Variants in ATF7 observed in about 807,000 individuals in gnomAD.
ATF7 encodes cyclic AMP-dependent transcription factor ATF-7.
ATF7 carries 10 observed loss-of-function variants against 50.4 expected under a neutral mutation model. The ratio of observed to expected loss-of-function variants is 0.20; its 90% CI spans 0.12 to 0.34. The LOEUF (loss-of-function observed/expected upper bound fraction) is 0.34. ATF7 is among the 10% of genes least tolerant of loss of function. The pLI is 1.00. For missense variants in ATF7, 465 were observed against 613.9 expected, an observed-to-expected ratio of 0.76 and a Z score of 2.56; for synonymous variants, 201 against 226.4, an observed-to-expected ratio of 0.89 and a Z score of 1.01.
At chr12:53,543,936 C>A (rs948616376) in intron 3 of ATF7, 1 of 156,140 alleles carries the variant, frequency 6.4e-6, no homozygotes, top group African/African-American at 2.4e-5. Flanking sequence ...CTGACTAAAG[C>A]TACCGAGTAA....
At chr12:53,537,197 T>C (rs1296341616) in intron 5 of ATF7, among the ~76,000 whole-genome samples, 2 of 151,986 alleles carry the variant, frequency 1.3e-5, no homozygotes, top group Non-Finnish European at 2.9e-5. Flanking sequence ...TACTCTCAAG[T>C]AGCTGGAACT....
intron 1 of ATF7, among the ~76,000 whole-genome samples, chr12:53,617,348 C>T (rs1436911728): frequency 1.3e-5 from 2 of 152,160 alleles, no homozygotes; most frequent in African/African-American, 4.8e-5. Flanking sequence ...CTATACTAGG[C>T]CAGGCACAGT....
intron 2 of ATF7, among the ~76,000 whole-genome samples, chr12:53,564,456 T>C (rs1941326453): frequency 6.6e-6 from 1 of 152,218 alleles, no homozygotes; most frequent in Admixed American, 6.5e-5. Flanking sequence ...AGTTCCTTCT[T>C]CAATCCCCAA....
chr12:53,621,279 G>A (rs978864020), intron 1 of ATF7, among the ~76,000 whole-genome samples: 149 of 152,142 alleles, frequency 9.8e-4, no homozygotes, highest in Non-Finnish European at 2.2e-4. Flanking sequence ...TTAACATAAT[G>A]ATAGTCTACT....
intron 1 of ATF7, among the ~76,000 whole-genome samples, chr12:53,622,605 C>T (rs1233769369): frequency 6.7e-6 from 1 of 148,664 alleles, no homozygotes; most frequent in African/African-American, 2.5e-5. Context: ...AGGGCAAAAG[C>T]GCGAGACTCT....
chr12:53,615,110 G>A lies in ATF7; in HGVS notation c.-22+11169C>T, dbSNP rs569032390. On this transcript the variant is annotated intron_variant, in intron 1 of 11. Transcript: ENST00000420353. ...AAAAGAAAAAAAAAAAGAGCTGGGT[G>A]CGGTGGCTCACGCCTGTAATCTCAA... 5.3e-5 allele frequency among the ~76,000 whole-genome samples: 8 copies of A among 151,760 alleles called. No homozygotes were observed. The East Asian group carries it at 1.4e-3, about 26-fold the overall frequency.
chr12:53,545,522 G>C (rs1939843902), intron 3 of ATF7, among the ~76,000 whole-genome samples: 1 of 152,014 alleles, frequency 6.6e-6, no homozygotes, highest in Non-Finnish European at 1.5e-5. Context: ...TTTTAGTAGA[G>C]ACGGGGTTTC....
chr12:53,598,659 C>T (rs1039522160), intron 2 of ATF7, among the ~76,000 whole-genome samples: 1 of 152,208 alleles, frequency 6.6e-6, no homozygotes, highest in African/African-American at 2.4e-5. Flanking sequence ...AAATCTGTGA[C>T]ATTTCACAAA....
intron 4 of ATF7, among the ~76,000 whole-genome samples, chr12:53,540,117 C>T (rs1939452076): frequency 6.6e-6 from 1 of 151,938 alleles, no homozygotes; most frequent in Non-Finnish European, 1.5e-5. Flanking sequence ...CTTTGGGAAG[C>T]TGAGGTGGGT....
At chr12:53,529,710 TACACAC>T (rs796404325) in intron 9 of ATF7, among the ~76,000 whole-genome samples, 2 of 132,250 alleles carry the variant, frequency 1.5e-5, no homozygotes, top group African/African-American at 5.9e-5. Flanking sequence ...TATATACACA[TACACAC>T]ACACACACAC....
At chr12:53,548,752 G>A (rs1940114923) in intron 3 of ATF7, among the ~76,000 whole-genome samples, 2 of 152,192 alleles carry the variant, frequency 1.3e-5, no homozygotes, top group Admixed American at 1.3e-4. Flanking sequence ...GAAGGCTGAG[G>A]CAAGAGGGTT....
intron 1 of ATF7, among the ~76,000 whole-genome samples, chr12:53,620,372 C>G (rs1325925071): frequency 6.6e-6 from 1 of 151,342 alleles, no homozygotes; most frequent in South Asian, 2.1e-4. Context: ...GTCAGGAGAT[C>G]GAGACCATCC....
chr12:53,520,993 ATTTTT>A (rs11453651), intron 11 of ATF7, among the ~76,000 whole-genome samples: 1 of 139,176 alleles, frequency 7.2e-6, no homozygotes. Context: ...AGTCAGATCA[ATTTTT>A]TTTTTTTTTT....
intron 2 of ATF7, among the ~76,000 whole-genome samples, chr12:53,573,453 C>T (rs572847782): frequency 6.6e-6 from 1 of 152,268 alleles, no homozygotes; most frequent in Admixed American, 6.5e-5. Flanking sequence ...CTACATATCA[C>T]TTCATTCGTG....
At chr12:53,562,967 C>T (rs894535698) in intron 2 of ATF7, among the ~76,000 whole-genome samples, 3 of 152,082 alleles carry the variant, frequency 2.0e-5, no homozygotes, top group Non-Finnish European at 4.4e-5. Context: ...AAATACATTA[C>T]CTTTCTGTCC....
intron 9 of ATF7, among the ~76,000 whole-genome samples, chr12:53,527,894 T>C (rs893898406): frequency 1.3e-5 from 2 of 151,864 alleles, no homozygotes; most frequent in African/African-American, 4.8e-5. Context: ...CAGGCTGGAG[T>C]GCAGTGGTGC....
Position 53,604,841 on chromosome 12 carries a change from A to AGG in ATF7, c.-21-3822_-21-3821dup, listed in dbSNP as rs1292137022. On this transcript the variant is annotated intron_variant, in intron 1 of 11. Transcript: ENST00000420353. ...TTAATTCATTCAGAAACCACTAATA[A>AGG]GGAACTACCAAGTGCTAGGCAAAGT... is the stretch of plus-strand genomic sequence containing the variant. Among the ~76,000 whole-genome samples, 6 of 152,350 alleles carry AGG rather than the reference A, an allele frequency of 3.9e-5. No homozygotes were observed. In the East Asian group the frequency reaches 1.2e-3, roughly 29 times the overall value.
chr12:53,526,881 G>A (rs1473989438), intron 9 of ATF7, among the ~76,000 whole-genome samples: 2 of 148,034 alleles, frequency 1.4e-5, no homozygotes, highest in Non-Finnish European at 3.0e-5. Context: ...AAGTTGGGCC[G>A]GGCGCCGTGG....
At position 53,515,801 on chromosome 12, in the gene ATF7, C is replaced by G. The variant is rs1182665429; in HGVS notation, c.*1336G>C. 6.6e-6 allele frequency: 1 copy of G among 152,260 alleles called. No individual in the cohort carries two copies. Among genetic ancestry groups the G allele is most frequent in the Non-Finnish European group, 1.5e-5 (1 of 68,106 alleles). The allele number at this position is 152,260 out of a possible 1,614,324, so 9.4% of individuals were successfully genotyped here. ...CATCTTGGCTATGACGCTTCAAGAT[C>G]CTGGAGCACTGCATGTAAAGAGAAG... On this transcript the variant is annotated 3_prime_UTR_variant, in exon 12 of 12. Transcript: ENST00000420353.
Sources: allele counts gnomAD v4.1 joint callset (sites outside exome capture counted in the v4.1 genomes callset), GRCh38; gene constraint gnomAD v4.1.1; transcripts MANE v1.5; gene names NCBI Gene and HGNC (gene_info 2026-07-23, HGNC 2026-07-21).